The following RASSF6 variants were observed in gnomAD, a reference collection of about 807,000 sequenced individuals.
RASSF6 encodes ras association domain-containing protein 6.
A neutral mutation model predicts 44.0 loss-of-function variants in RASSF6; 52 were observed. The observed-to-expected ratio is 1.18, with a 90% CI of 0.95 to 1.49. The LOEUF (loss-of-function observed/expected upper bound fraction) is 1.49. Ranked by LOEUF, RASSF6 falls within the 40% of genes most tolerant of loss-of-function variation. The pLI, the probability that RASSF6 is intolerant of heterozygous loss-of-function variation, is 0.00. For synonymous variants in RASSF6, 162 were observed against 124.6 expected, an observed-to-expected ratio of 1.30 and a Z score of -2.00; for missense variants, 464 against 393.3, an observed-to-expected ratio of 1.18 and a Z score of -1.52.
chr4:73,593,327 A>G (rs1001489354), intron 4 of RASSF6, 124 bp downstream of exon 4: 20 of 1,008,284 alleles, frequency 2.0e-5, no homozygotes, highest in Non-Finnish European at 2.8e-5. Context: ...TTGCTGGGAA[A>G]TTAAATGAGA....
intron 6 of RASSF6, among the ~76,000 whole-genome samples, chr4:73,583,698 T>C (rs942350516): frequency 5.9e-5 from 9 of 152,140 alleles, no homozygotes; most frequent in African/African-American, 2.2e-4. Context: ...GTGTAAAATA[T>C]CTATAGTCCC....
intron 1 of RASSF6, among the ~76,000 whole-genome samples, chr4:73,616,449 TC>T (rs1347866058): frequency 6.6e-6 from 1 of 152,202 alleles, no homozygotes; most frequent in Non-Finnish European, 1.5e-5. Flanking sequence ...TATTGCTATT[TC>T]ATTTTTGTGT....
intron 4 of RASSF6, among the ~76,000 whole-genome samples, chr4:73,592,759 C>T (rs1376550886): frequency 6.6e-6 from 1 of 152,158 alleles, no homozygotes; most frequent in East Asian, 1.9e-4. Context: ...GGAAAGAAGA[C>T]ATTTAGATTT....
chr4:73,602,864 A>G (rs1725367174), intron 2 of RASSF6, among the ~76,000 whole-genome samples: 1 of 152,150 alleles, frequency 6.6e-6, no homozygotes, highest in African/African-American at 2.4e-5. Context: ...CAAGATGGGC[A>G]GATCACGAGG....
intron 1 of RASSF6, among the ~76,000 whole-genome samples, chr4:73,620,057 A>T (rs1726601649): frequency 6.6e-6 from 1 of 151,828 alleles, no homozygotes; most frequent in African/African-American, 2.4e-5. Context: ...CCTTCTCTGC[A>T]CCCTTTCCCT....
At position 73,585,278 on chromosome 4, in the gene RASSF6, C is replaced by T. The variant is rs1723995623; in HGVS notation, c.469G>A (p.Ala157Thr). The part of the protein sequence containing the change: ...SPVLYRTMSE[A>T]ALVRKRMKPL... Reference sequence around the variant, plus strand: ...TTCATCCTTTTTCTCACCAGAGCTGCTTCACTCATGGTTCTATAGAGCACT... The same window carrying T: ...TTCATCCTTTTTCTCACCAGAGCTGTTTCACTCATGGTTCTATAGAGCACT... The change falls in exon 6 of 11, where the codon GCA (alanine) becomes ACA (threonine). Residue 157 changes from alanine to threonine, a missense_variant. Physicochemically the swap from Ala to Thr is moderately conservative, Grantham distance 58. Coordinates refer to ENST00000307439, the MANE Select transcript of RASSF6 (RefSeq NM_177532.5). The T allele has an allele frequency of 6.2e-7, 1 of 1,612,642 alleles. No individual in the cohort carries two copies. Among genetic ancestry groups the T allele is most frequent in the Admixed American group, 1.7e-5 (1 of 59,892 alleles).
At chr4:73,599,950 A>T (rs1205850601) in intron 2 of RASSF6, among the ~76,000 whole-genome samples, 1 of 151,968 alleles carries the variant, frequency 6.6e-6, no homozygotes, top group African/African-American at 2.4e-5. Context: ...CTCCAGACAG[A>T]TTCTCATCTT....
chr4:73,619,173 A>T (rs771908856), intron 1 of RASSF6, among the ~76,000 whole-genome samples: 9 of 152,250 alleles, frequency 5.9e-5, no homozygotes, highest in African/African-American at 1.4e-4. Context: ...TGAATTCCAC[A>T]ATATGAGATT....
At chr4:73,588,633 G>A (rs1394297592) in intron 4 of RASSF6, among the ~76,000 whole-genome samples, 2 of 151,916 alleles carry the variant, frequency 1.3e-5, no homozygotes, top group Admixed American at 6.6e-5. Context: ...GTCCTCATCT[G>A]TAAAATAAAA....
intron 4 of RASSF6, among the ~76,000 whole-genome samples, chr4:73,590,729 CTT>C (rs1052685951): frequency 2.0e-5 from 3 of 152,174 alleles, no homozygotes; most frequent in African/African-American, 7.2e-5. Context: ...TAATCTTGCT[CTT>C]GTTTGCGTGT....
intron 8 of RASSF6, among the ~76,000 whole-genome samples, chr4:73,579,669 G>A (rs1008900672): frequency 2.0e-5 from 3 of 151,732 alleles, no homozygotes; most frequent in Non-Finnish European, 4.4e-5. Context: ...GAAATTATTG[G>A]TATTATAGTT....
At chr4:73,590,132 T>A (rs893979982) in intron 4 of RASSF6, among the ~76,000 whole-genome samples, 2 of 152,214 alleles carry the variant, frequency 1.3e-5, no homozygotes, top group Non-Finnish European at 2.9e-5. Context: ...ATATGAGAGA[T>A]CAAAGTACTG....
At chr4:73,597,924 A>G (rs1725041190) in intron 3 of RASSF6, among the ~76,000 whole-genome samples, 1 of 152,182 alleles carries the variant, frequency 6.6e-6, no homozygotes, top group South Asian at 2.1e-4. Context: ...ATAAGCACAC[A>G]TGGACACATA....
chr4:73,582,234 G>A lies in RASSF6; in HGVS notation c.624C>T (p.Asn208=), dbSNP rs113301704. The A allele has an allele frequency of 6.3e-7, 1 of 1,597,854 alleles. No homozygotes were observed. Among genetic ancestry groups the A allele is most frequent in the South Asian group, 1.1e-5 (1 of 88,752 alleles). ...ESETKVRVNS[N]MRTEEVIKQL... ...GCTTTATTACTTCTTCAGTTCTCAT[G>A]TTACTGTTTACTCTGACCTTAGTTT... The change falls in exon 7 of 11, where the codon AAC becomes AAT. Residue 208 remains asparagine, a synonymous_variant. Coordinates refer to ENST00000307439, the MANE Select transcript of RASSF6 (RefSeq NM_177532.5).
rs10632092 is a variant in RASSF6 at position 73,598,568 on chromosome 4, T to TTGTGTG, written c.144+66_144+71dup. The TTGTGTG allele has an allele frequency of 3.3e-3, 1,680 of 515,888 alleles. 21 individuals carry two copies. Among genetic ancestry groups the TTGTGTG allele is most frequent in the African/African-American group, 0.028 (1,399 of 49,298 alleles). 32.0% of individuals were successfully genotyped at this position (515,888 alleles called of 1,614,324 possible). A position where few individuals can be genotyped will look rare whatever the true frequency, so the allele number is the denominator to read the frequency against. Reference sequence around the variant, plus strand: ...AAACTTTCACCTGTTTCTTCCAGAATTGTGTGTGTGTGTGTGTGCACGCAT... The same window carrying TTGTGTG: ...AAACTTTCACCTGTTTCTTCCAGAATTGTGTGTGTGTGTGTGTGTGTGTGCACGCAT... On this transcript the variant is annotated intron_variant, in intron 3 of 10. Coordinates refer to ENST00000307439, the MANE Select transcript of RASSF6 (RefSeq NM_177532.5).
At chr4:73,592,864 G>A (rs1724652600) in intron 4 of RASSF6, among the ~76,000 whole-genome samples, 2 of 152,196 alleles carry the variant, frequency 1.3e-5, no homozygotes, top group South Asian at 4.1e-4. Flanking sequence ...CAGGAGAGAA[G>A]TAGCAGAGCA....
In RASSF6 at chr4:73,573,683, A is replaced by G. The variant is rs2149358646; in HGVS notation, c.*2552T>C. 6.6e-6 allele frequency: 1 copy of G among 152,242 alleles called. No homozygotes were observed. Among genetic ancestry groups the G allele is most frequent in the Non-Finnish European group, 1.5e-5 (1 of 68,012 alleles). The allele number at this position is 152,242 out of a possible 1,614,324, so 9.4% of individuals were successfully genotyped here. On this transcript the variant is annotated 3_prime_UTR_variant, in exon 11 of 11. Transcript: ENST00000307439. ...TCTCATGGTGATTTATTGAGTATTT[A>G]ATGTTATCATTTCTTAATCTTTGCT...
At chr4:73,591,318 C>T (rs772389123) in intron 4 of RASSF6, among the ~76,000 whole-genome samples, 33 of 151,972 alleles carry the variant, frequency 2.2e-4, no homozygotes, top group Non-Finnish European at 4.0e-4. Context: ...TAAAGCCATA[C>T]AAAATAATGA....
At chr4:73,595,796 G>C (rs1724900326) in intron 3 of RASSF6, among the ~76,000 whole-genome samples, 1 of 152,068 alleles carries the variant, frequency 6.6e-6, no homozygotes, top group South Asian at 2.1e-4. Flanking sequence ...ATTTAATTCA[G>C]TATATTATTG....
Sources: allele counts gnomAD v4.1 joint callset (sites outside exome capture counted in the v4.1 genomes callset), GRCh38; gene constraint gnomAD v4.1.1; transcripts MANE v1.5; gene names NCBI Gene and HGNC (gene_info 2026-07-23, HGNC 2026-07-21).